DNHD1: variants seen among roughly 807,000 people sequenced by gnomAD.
DNHD1 encodes dynein heavy chain domain 1, also known as dynein heavy chain domain-containing protein 1.
DNHD1 carries 383 observed loss-of-function variants against 458.1 expected under a neutral mutation model. The observed-to-expected ratio is 0.84, with a 90% CI of 0.77 to 0.91. The LOEUF (loss-of-function observed/expected upper bound fraction) is 0.91, where lower values mean the gene tolerates loss of function less well. Among genes scored for constraint, DNHD1 ranks in the 40% least tolerant of loss-of-function variants. The pLI, the probability that DNHD1 is intolerant of heterozygous loss-of-function variation, is 0.00. For missense variants in DNHD1, 5,336 were observed against 5,866.1 expected (o/e 0.91, Z 2.95); for synonymous variants, 2,203 against 2,376.9 (o/e 0.93, Z 2.13).
rs899317115 is a variant in DNHD1, at chr11:6,498,134, G to A, written c.-82G>A. 5.8e-6 allele frequency: 9 copies of A among 1,551,898 alleles called. No individual in the cohort carries two copies. The African/African-American group carries it at 6.8e-5, about 12-fold the overall frequency. On this transcript the variant is annotated 5_prime_UTR_variant, in exon 3 of 43. Coordinates refer to ENST00000254579, the MANE Select transcript of DNHD1 (RefSeq NM_144666.3). ...GGCTGGCCCATGCAGGTGAGGCCCC[G>A]CATCTGGCATCCTGGAACTGGCAGT...
intron 18 of DNHD1, among the ~76,000 whole-genome samples, chr11:6,542,937 A>T (rs1853129349): frequency 6.6e-6 from 1 of 152,198 alleles, no homozygotes; most frequent in Non-Finnish European, 1.5e-5. Flanking sequence ...CCCCCAATTA[A>T]TTGAGAACTT....
Position 6,568,572 on chromosome 11 carries a change from G to A in DNHD1, c.12657G>A (p.Leu4219=), listed in dbSNP as rs751370131. ...TGCCTGCAGAGTCTAGTGCTTCTTT[G>A]CCAGGTGAGGAGCTTAACCCCCTAC... is the stretch of plus-strand genomic sequence containing the variant. ...LIVPAESSAS[L]PAVLTQHSMP... is the part of the protein sequence containing the mutation. The change falls in exon 38 of 43, where the codon TTG becomes TTA. Residue 4219 remains leucine, a synonymous_variant. Coordinates refer to ENST00000254579, the MANE Select transcript of DNHD1 (RefSeq NM_144666.3). 6.2e-7 allele frequency: 1 copy of A among 1,613,900 alleles called. No individual in the cohort carries two copies. Among genetic ancestry groups the A allele is most frequent in the Non-Finnish European group, 8.5e-7 (1 of 1,179,888 alleles).
chr11:6,570,934 G>A lies in DNHD1; in HGVS notation c.13422G>A (p.Gly4474=). ...DESDAPWSVL[G]PNARRPLEGV... ...CCGACGCCCCGTGGTCAGTGCTGGG[G>A]CCAAATGCACGGCGGCCTCTGGAGG... The change falls in exon 42 of 43, where the codon GGG becomes GGA. Residue 4474 remains glycine (G), a synonymous_variant. Transcript: ENST00000254579. The A allele has an allele frequency of 1.9e-6, 3 of 1,609,982 alleles. No individual in the cohort carries two copies. Among genetic ancestry groups the A allele is most frequent in the Middle Eastern group, 1.7e-4 (1 of 6,048 alleles).
In DNHD1 at chr11:6,547,307, T is replaced by C; in HGVS notation, c.6368T>C (p.Phe2123Ser). The C allele has an allele frequency of 1.3e-6, 2 of 1,551,794 alleles. No homozygotes were observed. The highest frequency in any genetic ancestry group is 8.7e-7 in the Non-Finnish European group (1 of 1,146,996). The change falls in exon 21 of 43, where the codon TTT (phenylalanine) becomes TCT (serine). Residue 2123 changes from phenylalanine (F) to serine (S), a missense_variant. Physicochemically the swap from Phe to Ser is radical, Grantham distance 155. This residue lies in a region of DNHD1 where 3,932 missense variants were observed against 4,365.6 expected (regional missense o/e 0.90). Transcript: ENST00000254579. ...CAGATAGCACGACCCCCAGGCACCT[T>C]TCTCTTGATGGAGGTGGCTGACACA... ...GQQIARPPGT[F>S]LLMEVADTTG...
At position 6,571,047 on chromosome 11, in the gene DNHD1, G is replaced by A. The variant is rs752016992; in HGVS notation, c.13535G>A (p.Gly4512Asp). The change falls in exon 42 of 43, where the codon GGC becomes GAC. Residue 4512 changes from glycine (G) to aspartate (D), a missense_variant. By Grantham distance (94) the Gly-to-Asp change is moderately conservative (BLOSUM62 -1). Coordinates refer to ENST00000254579, the MANE Select transcript of DNHD1 (RefSeq NM_144666.3). The surrounding 1 kb of genome is among the most constrained non-coding windows in gnomAD (Gnocchi z 5.0). Reference sequence around the variant, plus strand: ...GATTGCCTGTTGCAGCAGCTGAAGGGCGCACCCCCGTGCCCCTCCCGCCGC... The same window carrying A: ...GATTGCCTGTTGCAGCAGCTGAAGGACGCACCCCCGTGCCCCTCCCGCCGC... The part of the protein sequence containing the change: ...DLDCLLQQLK[G>D]APPCPSRRCA... 5 of 1,579,018 alleles carry A rather than the reference G, an allele frequency of 3.2e-6. No individual in the cohort carries two copies. Among genetic ancestry groups the A allele is most frequent in the Non-Finnish European group, 2.6e-6 (3 of 1,160,940 alleles).
chr11:6,544,627 A>G lies in DNHD1; in HGVS notation c.3808A>G (p.Lys1270Glu). 1.9e-6 allele frequency: 3 copies of G among 1,551,562 alleles called. No homozygotes were observed. The highest frequency in any genetic ancestry group is 2.6e-6 in the Non-Finnish European group (3 of 1,146,974). Residue 1270 changes from lysine (K) to glutamate (E), a missense_variant, in exon 20 of 43, where the codon AAA becomes GAA. Around this residue, in one of 4 missense-constraint regions of DNHD1, gnomAD observed 3,932 missense variants for 4,365.6 expected, o/e 0.90. Coordinates refer to ENST00000254579, the MANE Select transcript of DNHD1 (RefSeq NM_144666.3). ...TFQQKWIFLN[K>E]VLHEMKIQFP... ...CCAGCAGAAGTGGATTTTTCTGAAT[A>G]AAGTTCTGCATGAGATGAAGATCCA...
chr11:6,533,290 G>C, intron 13 of DNHD1, 106 bp downstream of exon 13: 1 of 1,185,432 alleles, frequency 8.4e-7, no homozygotes, highest in Non-Finnish European at 1.2e-6. Flanking sequence ...AGAGCTTGAT[G>C]CTCTTAAACT....
Position 6,498,980 on chromosome 11 carries a change from C to T in DNHD1, c.746+19C>T, listed in dbSNP as rs766184497. 1.3e-6 allele frequency: 2 copies of T among 1,568,092 alleles called. No individual in the cohort carries two copies. The highest frequency in any genetic ancestry group is 1.7e-6 in the Non-Finnish European group (2 of 1,158,976). ...AGACCAGGTAAGTGAGGGACTCAGT[C>T]TAGGGCTTGAGCAGAGGAGAAAAAG... On this transcript the variant is annotated intron_variant, in intron 3 of 42. Coordinates refer to ENST00000254579, the MANE Select transcript of DNHD1 (RefSeq NM_144666.3).
intron 39 of DNHD1, 84 bp downstream of exon 39, chr11:6,568,950 A>G (rs543684036): frequency 7.2e-4 from 1,019 of 1,414,390 alleles, no homozygotes; most frequent in Admixed American, 1.2e-3. Context: ...AGTAAAACTA[A>G]TTCATCTTTG....
At position 6,557,156 on chromosome 11, in the gene DNHD1, G is replaced by A; in HGVS notation, c.7861G>A (p.Glu2621Lys). Residue 2621 changes from glutamate (E) to lysine (K), a missense_variant, in exon 25 of 43, where the codon GAG becomes AAG. Transcript: ENST00000254579. ...TTTTGTGGACTATCCCAACCACCAGGAGCACTTGCGCCGGGTGTCAGGCCT... is the reference window on the plus strand; with the variant it reads ...TTTTGTGGACTATCCCAACCACCAGAAGCACTTGCGCCGGGTGTCAGGCCT... Reference protein sequence around the residue: ...RGFVDYPNHQEHLRRVSGLRG... With the variant: ...RGFVDYPNHQKHLRRVSGLRG... 3.2e-6 allele frequency: 5 copies of A among 1,551,740 alleles called. No individual in the cohort carries two copies. The highest frequency in any genetic ancestry group is 4.4e-6 in the Non-Finnish European group (5 of 1,147,010).
intron 12 of DNHD1, among the ~76,000 whole-genome samples, chr11:6,529,429 T>C (rs1852781745): frequency 6.6e-6 from 1 of 152,200 alleles, no homozygotes; most frequent in South Asian, 2.1e-4. Context: ...GCTTTCTCTC[T>C]GCATGTAGCT....
chr11:6,559,439 A>G (rs1853540139), intron 28 of DNHD1, among the ~76,000 whole-genome samples, 156 bp downstream of exon 28: 1 of 152,160 alleles, frequency 6.6e-6, no homozygotes. Flanking sequence ...CCTCCTTTAC[A>G]GCTTAGGTTC....
chr11:6,554,964 G>C (rs988085325), intron 24 of DNHD1, among the ~76,000 whole-genome samples: 6 of 152,148 alleles, frequency 3.9e-5, no homozygotes, highest in Non-Finnish European at 7.4e-5. Context: ...ATTCATAGCA[G>C]CATTGTTCTG....
rs768884067 is a variant in DNHD1, at chr11:6,498,190, G to C, written c.-26G>C. Reference sequence around the variant, plus strand: ...CCTGAGCTATGGGCAAGGTCACTTCGACAGCAGTTGAATGCCCAGCTCCTC... The same window carrying C: ...CCTGAGCTATGGGCAAGGTCACTTCCACAGCAGTTGAATGCCCAGCTCCTC... On this transcript the variant is annotated 5_prime_UTR_variant, in exon 3 of 43. Transcript: ENST00000254579. 1.3e-5 allele frequency: 21 copies of C among 1,592,390 alleles called. No individual in the cohort carries two copies. In the South Asian group the frequency reaches 2.2e-4, roughly 16 times the overall value.
rs923644062 is a variant in DNHD1, at chr11:6,571,271, C to T, written c.13759C>T (p.Arg4587Cys). Residue 4587 changes from arginine (R) to cysteine (C), a missense_variant, in exon 42 of 43, where the codon CGC (arginine) becomes TGC (cysteine). Arg to Cys is a radical substitution (Grantham distance 180, BLOSUM62 -3). Coordinates refer to ENST00000254579, the MANE Select transcript of DNHD1 (RefSeq NM_144666.3). The surrounding 1 kb of genome is among the most constrained non-coding windows in gnomAD (Gnocchi z 5.0). ...GCGCGTCTTCCACCTGTCAGCCTTTCGCCACCCGCGCCGCCTGCTGCTGGC... is the reference window on the plus strand; with the variant it reads ...GCGCGTCTTCCACCTGTCAGCCTTTTGCCACCCGCGCCGCCTGCTGCTGGC... Reference protein sequence around the residue: ...PERVFHLSAFRHPRRLLLALR... With the variant: ...PERVFHLSAFCHPRRLLLALR... 1.2e-6 allele frequency: 2 copies of T among 1,612,046 alleles called. No individual in the cohort carries two copies. The highest frequency in any genetic ancestry group is 1.3e-5 in the African/African-American group (1 of 74,932).
chr11:6,507,773 TTAACTG>T (rs1363454917), intron 4 of DNHD1, among the ~76,000 whole-genome samples: 1 of 152,238 alleles, frequency 6.6e-6, no homozygotes, highest in East Asian at 1.9e-4. Context: ...TATTCTTCCC[TTAACTG>T]TCTTGGGCAA....
chr11:6,558,887 C>T lies in DNHD1; in HGVS notation c.9212-15C>T. 6.4e-7 allele frequency: 1 copy of T among 1,551,496 alleles called. No homozygotes were observed. The highest frequency in any genetic ancestry group is 8.7e-7 in the Non-Finnish European group (1 of 1,146,818). ...ACAAGCTCACAGAGTGAGGCTAAAGCCATGCCCATTGCAGGCTCCTGGAAG... is the reference window on the plus strand; with the variant it reads ...ACAAGCTCACAGAGTGAGGCTAAAGTCATGCCCATTGCAGGCTCCTGGAAG... On this transcript the variant is annotated splice_polypyrimidine_tract_variant and intron_variant, in intron 26 of 42. Transcript: ENST00000254579.
chr11:6,547,538 C>G lies in DNHD1; in HGVS notation c.6599C>G (p.Ser2200Cys). ...LRFLTCQGVS[S>C]LLQVHGQQAV... ...TTCCTCACCTGCCAAGGTGTCAGCT[C>G]TCTGCTGCAGGTACACGGGCAGCAG... Residue 2200 changes from serine (S) to cysteine (C), a missense_variant, in exon 21 of 43, where the codon TCT becomes TGT. Ser to Cys is a moderately radical substitution (Grantham distance 112). Transcript: ENST00000254579. 1 of 1,551,352 alleles carries G rather than the reference C, an allele frequency of 6.4e-7. No individual in the cohort carries two copies. Among genetic ancestry groups the G allele is most frequent in the Non-Finnish European group, 8.7e-7 (1 of 1,146,634 alleles).
At position 6,497,586 on chromosome 11, in the gene DNHD1, C is replaced by G. The variant is rs1852052996; in HGVS notation, c.-527C>G. 6.5e-6 allele frequency: 1 copy of G among 152,812 alleles called. No homozygotes were observed. Among genetic ancestry groups the G allele is most frequent in the Non-Finnish European group, 1.5e-5 (1 of 68,502 alleles). 9.5% of individuals were successfully genotyped at this position (152,812 alleles called of 1,614,324 possible). A position where few individuals can be genotyped will look rare whatever the true frequency, so the allele number is the denominator to read the frequency against. The stretch of plus-strand genomic sequence containing the variant: ...ACGACCTGTTAACCCGTTTTTCAGG[C>G]GATCGCCAGCTCGAGTGCAGATTCC... On this transcript the variant is annotated splice_region_variant and 5_prime_UTR_variant, in exon 2 of 43. Transcript: ENST00000254579.
Sources: gnomAD v4.1 joint callset for allele counts (sites outside exome capture counted in the v4.1 genomes callset) on GRCh38, gnomAD v4.1.1 for gene constraint, gnomAD v4.1.1 regional missense constraint, Gnocchi (gnomAD v3.1) non-coding constraint, MANE v1.5 for transcripts, NCBI Gene and HGNC (gene_info 2026-07-23, HGNC 2026-07-21) for gene names.